Variants in TTC23 observed in about 807,000 individuals in gnomAD.
TTC23 encodes tetratricopeptide repeat protein 23.
In TTC23, 58 loss-of-function variants were observed where a neutral mutation model predicts 55.1. That is an observed-to-expected ratio of 1.05 (90% CI 0.85 to 1.31). The LOEUF is 1.31. Among genes scored for constraint, TTC23 ranks in the 50% most tolerant of loss-of-function variants. The pLI, the probability that TTC23 is intolerant of heterozygous loss-of-function variation, is 0.00. For missense variants in TTC23, 516 were observed against 534.4 expected (o/e 0.97, Z 0.34); for synonymous variants, 203 against 199.9 (o/e 1.02, Z -0.13).
At chr15:99,146,898 G>A (rs2068930984) in intron 12 of TTC23, among the ~76,000 whole-genome samples, 1 of 152,226 alleles carries the variant, frequency 6.6e-6, no homozygotes, top group South Asian at 2.1e-4. Flanking sequence ...AGCCTATAGT[G>A]GGCAAGGGGG....
chr15:99,193,359 A>T (rs546549567), intron 9 of TTC23, among the ~76,000 whole-genome samples: 44 of 152,168 alleles, frequency 2.9e-4, no homozygotes, highest in African/African-American at 9.6e-4. Context: ...TGTGGGAGGG[A>T]TCTGGTGGGA....
intron 12 of TTC23, among the ~76,000 whole-genome samples, chr15:99,146,076 G>A (rs1273541786): frequency 6.6e-6 from 1 of 152,102 alleles, no homozygotes; most frequent in South Asian, 2.1e-4. Context: ...ACTCCCCCAC[G>A]ACTTTGTTCC....
At chr15:99,247,613 G>C (rs190386807) in intron 1 of TTC23, among the ~76,000 whole-genome samples, 1 of 152,130 alleles carries the variant, frequency 6.6e-6, no homozygotes, top group Non-Finnish European at 1.5e-5. Flanking sequence ...GCAAAGGATC[G>C]CATAATGTGT....
rs2067653432 is a variant in TTC23 at position 99,137,144 on chromosome 15, G to C, written c.*866C>G. The stretch of plus-strand genomic sequence containing the variant: ...TTCCATCCACCTCGATCTGGCACTG[G>C]ATCTCCTCGTTGACATCGTGGAGGA... On this transcript the variant is annotated 3_prime_UTR_variant, in exon 14 of 14. Transcript: ENST00000394132. 6.6e-6 allele frequency: 1 copy of C among 152,336 alleles called. No homozygotes were observed. Among genetic ancestry groups the C allele is most frequent in the African/African-American group, 2.4e-5 (1 of 41,464 alleles). The allele number at this position is 152,336 out of a possible 1,614,324, so 9.4% of individuals were successfully genotyped here.
chr15:99,141,219 GTA>G (rs1384462833), intron 12 of TTC23, among the ~76,000 whole-genome samples: 1 of 151,910 alleles, frequency 6.6e-6, no homozygotes, highest in East Asian at 1.9e-4. Flanking sequence ...TATTATATAT[GTA>G]TGTGATATAT....
At chr15:99,218,750 G>A (rs764225935) in intron 7 of TTC23, 37 bp from the exon 8 acceptor site, 1 of 1,612,912 alleles carries the variant, frequency 6.2e-7, no homozygotes, top group Non-Finnish European at 8.5e-7. Flanking sequence ...CTTGGTTCTA[G>A]ATTCTACACC....
chr15:99,155,086 G>A (rs1361393278), intron 12 of TTC23, among the ~76,000 whole-genome samples: 2 of 152,076 alleles, frequency 1.3e-5, no homozygotes, highest in African/African-American at 2.4e-5. Context: ...ATTAACTCAA[G>A]CAATGAAAGA....
rs564619071 is a variant in TTC23, at chr15:99,231,303, GA to G, written c.-20-2572del. ...TATACATTTCTAAAAGTTAACTGTAGAAAAGCCTCAGGCAGGTCCTTCAAGA... is the reference window on the plus strand; with the variant it reads ...TATACATTTCTAAAAGTTAACTGTAGAAAGCCTCAGGCAGGTCCTTCAAGA... On this transcript the variant is annotated intron_variant, in intron 4 of 13. Transcript: ENST00000394132. 1.2e-3 allele frequency among the ~76,000 whole-genome samples: 176 copies of G among 152,282 alleles called. 2 individuals carry two copies. The highest frequency in any genetic ancestry group is 4.0e-3 in the African/African-American group (165 of 41,550).
chr15:99,214,491 G>A (rs890625678), intron 8 of TTC23, among the ~76,000 whole-genome samples: 1 of 123,004 alleles, frequency 8.1e-6, no homozygotes, highest in Non-Finnish European at 1.6e-5. Flanking sequence ...CTGGGTGACA[G>A]AGTGAGACTG....
chr15:99,192,399 G>A (rs2075320632), intron 9 of TTC23, among the ~76,000 whole-genome samples: 2 of 152,204 alleles, frequency 1.3e-5, no homozygotes, highest in Admixed American at 6.5e-5. Flanking sequence ...TCCCCATGCT[G>A]TGTGCAGCCT....
chr15:99,217,979 T>C (rs2077606941), intron 8 of TTC23, among the ~76,000 whole-genome samples: 1 of 152,238 alleles, frequency 6.6e-6, no homozygotes, highest in Non-Finnish European at 1.5e-5. Flanking sequence ...TTCTCCACCT[T>C]TTCCTCTGCA....
intron 8 of TTC23, 50 bp downstream of exon 8, chr15:99,218,538 C>T (rs1181287631): frequency 6.2e-7 from 1 of 1,611,236 alleles, no homozygotes; most frequent in Non-Finnish European, 8.5e-7. Flanking sequence ...ATTCTACAGG[C>T]AAAGAGCCTC....
chr15:99,242,880 T>C (rs1259075746), intron 2 of TTC23, among the ~76,000 whole-genome samples: 1 of 152,158 alleles, frequency 6.6e-6, no homozygotes, highest in African/African-American at 2.4e-5. Flanking sequence ...ATATAAGACC[T>C]GAAACTATAA....
At chr15:99,200,857 A>G (rs1390816569) in intron 8 of TTC23, among the ~76,000 whole-genome samples, 1 of 152,248 alleles carries the variant, frequency 6.6e-6, no homozygotes, top group Non-Finnish European at 1.5e-5. Context: ...AGCAGGTTAC[A>G]GTAAGTACAT....
intron 12 of TTC23, chr15:99,145,472 A>G (rs1182339413): frequency 6.8e-6 from 1 of 147,454 alleles, no homozygotes; most frequent in African/African-American, 2.5e-5. Context: ...GCAGAGGCCT[A>G]TGTGAGGAGG....
At chr15:99,145,655 T>C (rs2151845860) in intron 12 of TTC23, among the ~76,000 whole-genome samples, 1 of 152,244 alleles carries the variant, frequency 6.6e-6, no homozygotes, top group East Asian at 1.9e-4. Flanking sequence ...CTGCATCCTC[T>C]TTCTCTCAGT....
chr15:99,144,606 G>C (rs191809087), intron 12 of TTC23: 1 of 152,172 alleles, frequency 6.6e-6, no homozygotes, highest in Non-Finnish European at 1.5e-5. Flanking sequence ...TATTCATGGA[G>C]ACAGTGCAGC....
chr15:99,246,648 C>T (rs1448223332), intron 1 of TTC23, among the ~76,000 whole-genome samples: 3 of 144,366 alleles, frequency 2.1e-5, no homozygotes, highest in Non-Finnish European at 3.0e-5. Flanking sequence ...TGGGCTGGCG[C>T]GATGGCTCAT....
chr15:99,192,340 G>A (rs1172244212), intron 9 of TTC23, among the ~76,000 whole-genome samples: 2 of 152,164 alleles, frequency 1.3e-5, no homozygotes. Context: ...TCCCATCACA[G>A]GCCTGGAGGC....
Sources: allele counts gnomAD v4.1 joint callset (sites outside exome capture counted in the v4.1 genomes callset), GRCh38; gene constraint gnomAD v4.1.1; transcripts MANE v1.5; gene names NCBI Gene and HGNC (gene_info 2026-07-23, HGNC 2026-07-21).